The following UGT2A2 variants were observed in gnomAD, a reference collection of about 807,000 sequenced individuals.
UGT2A2 encodes the protein UDP-glucuronosyltransferase 2A2.
A neutral mutation model predicts 50.7 loss-of-function variants in UGT2A2; 60 were observed. The observed-to-expected ratio is 1.18, with a 90% CI of 0.96 to 1.47. The LOEUF (loss-of-function observed/expected upper bound fraction) is 1.47. Among genes scored for constraint, UGT2A2 ranks in the 40% most tolerant of loss-of-function variants. The probability of loss-of-function intolerance (pLI) is 0.00; values close to 1 mark genes in which losing one functional copy is unlikely to be tolerated. For synonymous variants in UGT2A2, 242 were observed against 214.6 expected (o/e 1.13, Z -1.11); for missense variants, 762 against 634.0 (o/e 1.20, Z -2.17).
intron 1 of UGT2A2, among the ~76,000 whole-genome samples, chr4:69,636,135 C>A (rs1721697347): frequency 6.6e-6 from 1 of 152,124 alleles, no homozygotes; most frequent in African/African-American, 2.4e-5. Flanking sequence ...TCCTTCAAGA[C>A]ATTTGGAGTT....
intron 1 of UGT2A2, among the ~76,000 whole-genome samples, chr4:69,616,821 C>A (rs959546339): frequency 7.4e-6 from 1 of 134,940 alleles, no homozygotes; most frequent in Non-Finnish European, 1.6e-5. Flanking sequence ...AATTTCTCTG[C>A]CATTTTCTTT....
At chr4:69,590,337 C>G (rs1220232486) in intron 5 of UGT2A2, among the ~76,000 whole-genome samples, 1 of 152,174 alleles carries the variant, frequency 6.6e-6, no homozygotes, top group Non-Finnish European at 1.5e-5. Context: ...ACAGAGATAA[C>G]AGTTCTAATG....
At chr4:69,594,833 G>T (rs1718823018) in intron 4 of UGT2A2, 137 bp from the exon 5 acceptor site, 2 of 1,109,190 alleles carry the variant, frequency 1.8e-6, no homozygotes, top group East Asian at 2.6e-5. Flanking sequence ...ATCACATAGG[G>T]CATTGGAATG....
chr4:69,629,375 C>G (rs1721262104), intron 1 of UGT2A2, among the ~76,000 whole-genome samples: 1 of 152,218 alleles, frequency 6.6e-6, no homozygotes. Flanking sequence ...GGGCTCATAC[C>G]TGGCTCCTAA....
In UGT2A2 at chr4:69,589,056, A is replaced by G. The variant is rs1252966432; in HGVS notation, c.*316T>C. On this transcript the variant is annotated 3_prime_UTR_variant, in exon 6 of 6. Transcript: ENST00000604629. ...TGTTAATCATTAATTAAGGTTAACG[A>G]TAAAATAATTTGATACTATGAATAG... 1.5e-5 allele frequency: 3 copies of G among 200,044 alleles called. No homozygotes were observed. Among genetic ancestry groups the G allele is most frequent in the Non-Finnish European group, 3.1e-5 (3 of 97,708 alleles). The allele number at this position is 200,044 out of a possible 1,614,324, so 12.4% of individuals were successfully genotyped here.
chr4:69,631,843 T>C (rs1721406671), intron 1 of UGT2A2, among the ~76,000 whole-genome samples: 1 of 152,156 alleles, frequency 6.6e-6, no homozygotes, highest in South Asian at 2.1e-4. Flanking sequence ...CAAAGATTGG[T>C]TGAATTCAAT....
At chr4:69,629,412 C>T (rs1260606272) in intron 1 of UGT2A2, among the ~76,000 whole-genome samples, 1 of 152,042 alleles carries the variant, frequency 6.6e-6, no homozygotes, top group Non-Finnish European at 1.5e-5. Flanking sequence ...TTTTGGAATA[C>T]AGTGCCTAAT....
chr4:69,623,787 G>A (rs909617772), intron 1 of UGT2A2, among the ~76,000 whole-genome samples: 2 of 150,668 alleles, frequency 1.3e-5, no homozygotes, highest in African/African-American at 4.9e-5. Flanking sequence ...TGAGATAAAG[G>A]TAGAAAATTG....
intron 1 of UGT2A2, among the ~76,000 whole-genome samples, chr4:69,622,448 G>T (rs991348149): frequency 1.3e-5 from 2 of 151,634 alleles, no homozygotes; most frequent in African/African-American, 2.4e-5. Flanking sequence ...AAGTAAAAGA[G>T]AACTGTATTT....
At chr4:69,597,241 A>G (rs1177424541) in intron 2 of UGT2A2, among the ~76,000 whole-genome samples, 1 of 152,212 alleles carries the variant, frequency 6.6e-6, no homozygotes, top group Non-Finnish European at 1.5e-5. Context: ...ACAGGATAAC[A>G]AAGTGCATCT....
chr4:69,614,192 T>C (rs1349126769), intron 1 of UGT2A2, among the ~76,000 whole-genome samples: 2 of 151,872 alleles, frequency 1.3e-5, no homozygotes, highest in Admixed American at 6.6e-5. Flanking sequence ...GTGAACCATA[T>C]GTTAAAAAAG....
chr4:69,625,191 A>G (rs917323525), intron 1 of UGT2A2, among the ~76,000 whole-genome samples: 3 of 150,342 alleles, frequency 2.0e-5, no homozygotes, highest in African/African-American at 7.3e-5. Context: ...TAGATGAAGT[A>G]TTTTTTAATT....
chr4:69,597,857 A>G (rs973726205), intron 2 of UGT2A2, among the ~76,000 whole-genome samples: 2 of 152,284 alleles, frequency 1.3e-5, no homozygotes, highest in South Asian at 4.1e-4. Flanking sequence ...TTCATCAGCA[A>G]TATAACCCAT....
At chr4:69,593,739 A>G (rs937334854) in intron 5 of UGT2A2, among the ~76,000 whole-genome samples, 1 of 151,830 alleles carries the variant, frequency 6.6e-6, no homozygotes, top group Non-Finnish European at 1.5e-5. Context: ...GTGTGTATAC[A>G]TATACTAATT....
intron 1 of UGT2A2, among the ~76,000 whole-genome samples, chr4:69,615,720 ACAAG>A (rs370865748): frequency 1.1e-4 from 17 of 151,930 alleles, no homozygotes; most frequent in African/African-American, 2.4e-4. Flanking sequence ...GCAAAAACAA[ACAAG>A]CAAACAAACA....
intron 1 of UGT2A2, 96 bp downstream of exon 1, chr4:69,638,803 C>T: frequency 7.2e-7 from 1 of 1,396,608 alleles, no homozygotes. Flanking sequence ...TTATCTTCAG[C>T]TCAGCATATG....
At chr4:69,609,175 CA>C (rs1719876717) in intron 1 of UGT2A2, among the ~76,000 whole-genome samples, 1 of 127,032 alleles carries the variant, frequency 7.9e-6, no homozygotes, top group African/African-American at 3.0e-5. Flanking sequence ...TTTTTTGACA[CA>C]GCGTTTTTCT....
intron 1 of UGT2A2, among the ~76,000 whole-genome samples, chr4:69,626,424 A>G (rs111852464): frequency 0.029 from 4,407 of 151,494 alleles, 216 homozygotes; most frequent in African/African-American, 0.1. Context: ...TTATTGGACC[A>G]CCTACTATTT....
At chr4:69,602,522 G>T (rs1390840566) in intron 1 of UGT2A2, among the ~76,000 whole-genome samples, 1 of 136,410 alleles carries the variant, frequency 7.3e-6, no homozygotes. Flanking sequence ...ATCATGTTAT[G>T]TAACAAATCC....
Sources: allele counts gnomAD v4.1 joint callset (sites outside exome capture counted in the v4.1 genomes callset), GRCh38; gene constraint gnomAD v4.1.1; transcripts MANE v1.5; gene names NCBI Gene and HGNC (gene_info 2026-07-23, HGNC 2026-07-21).